Variants in GRM7 observed in about 807,000 individuals in gnomAD.
GRM7 encodes the protein glutamate metabotropic receptor 7.
GRM7 carries 35 observed loss-of-function variants against 84.5 expected under a neutral mutation model. The observed-to-expected ratio is 0.41, with a 90% confidence interval of 0.32 to 0.55. GRM7 has a LOEUF of 0.55. Ranked by LOEUF, GRM7 falls within the 20% of genes least tolerant of loss-of-function variation. The pLI is 0.19. For synonymous variants in GRM7, 487 were observed against 455.1 expected (o/e 1.07, Z -0.89); for missense variants, 1,003 against 1,194.6 (o/e 0.84, Z 2.36).
At chr3:7,213,491 C>T (rs779991635) in intron 2 of GRM7, among the ~76,000 whole-genome samples, 6 of 152,104 alleles carry the variant, frequency 3.9e-5, no homozygotes, top group South Asian at 2.1e-4. Flanking sequence ...ATCATAGTTA[C>T]GCAAATACAT....
At chr3:7,643,599 A>T (rs1038955384) in intron 8 of GRM7, among the ~76,000 whole-genome samples, 2 of 152,218 alleles carry the variant, frequency 1.3e-5, no homozygotes, top group African/African-American at 4.8e-5. Context: ...TAGGGACTCT[A>T]TCTTAAATCC....
intron 8 of GRM7, among the ~76,000 whole-genome samples, chr3:7,590,148 C>A (rs1468414878): frequency 6.6e-6 from 1 of 152,102 alleles, no homozygotes; most frequent in African/African-American, 2.4e-5. Context: ...ATTTTAAGTA[C>A]CTGTAACATG....
chr3:7,682,646 G>A (rs537606686), intron 9 of GRM7, among the ~76,000 whole-genome samples: 81 of 151,846 alleles, frequency 5.3e-4, no homozygotes, highest in African/African-American at 1.3e-3. Flanking sequence ...GGAAAAAGAC[G>A]AAATTAGAAG....
chr3:7,013,968 T>G (rs1243869252), intron 1 of GRM7, among the ~76,000 whole-genome samples: 2 of 152,214 alleles, frequency 1.3e-5, no homozygotes. Flanking sequence ...AACTGACATA[T>G]CTGCCCTTCC....
chr3:7,039,737 C>T (rs73112820), intron 1 of GRM7, among the ~76,000 whole-genome samples: 5,042 of 152,042 alleles, frequency 0.033, 288 homozygotes, highest in African/African-American at 0.12. Context: ...CTCTCAGAAT[C>T]CCTAGATTAG....
chr3:7,617,647 G>C (rs1308888443), intron 8 of GRM7, among the ~76,000 whole-genome samples: 1 of 152,012 alleles, frequency 6.6e-6, no homozygotes, highest in Non-Finnish European at 1.5e-5. Context: ...CAGTACGGAA[G>C]GTAAATAAAT....
chr3:7,046,180 C>T (rs1335662887), intron 1 of GRM7, among the ~76,000 whole-genome samples: 1 of 151,956 alleles, frequency 6.6e-6, no homozygotes, highest in Non-Finnish European at 1.5e-5. Context: ...GGGAAATGTT[C>T]ATTCAGGTTC....
At chr3:7,603,431 A>T (rs949998222) in intron 8 of GRM7, among the ~76,000 whole-genome samples, 3 of 152,134 alleles carry the variant, frequency 2.0e-5, no homozygotes, top group Non-Finnish European at 2.9e-5. Context: ...ATGACAAGTC[A>T]CAGAGATCAG....
Position 6,945,135 on chromosome 3 carries a change from A to G in GRM7, c.519+83228A>G, listed in dbSNP as rs1280092929. Among the ~76,000 whole-genome samples the G allele has an allele frequency of 1.1e-4, 17 of 152,056 alleles. No individual in the cohort carries two copies. The East Asian group carries it at 3.1e-3, about 28-fold the overall frequency. On this transcript the variant is annotated intron_variant, in intron 1 of 9. Transcript: ENST00000357716. ...GTGCAGGTTTGTTACATATGTATAC[A>G]TGTGCCATGTTGGTGTGATGCACCC...
chr3:6,994,100 A>G (rs1694745018), intron 1 of GRM7, among the ~76,000 whole-genome samples: 1 of 152,348 alleles, frequency 6.6e-6, no homozygotes, highest in South Asian at 2.1e-4. Flanking sequence ...TTCAAGATAT[A>G]GAAGAGGGAT....
chr3:7,277,574 A>G (rs975796130), intron 2 of GRM7, among the ~76,000 whole-genome samples: 1 of 152,136 alleles, frequency 6.6e-6, no homozygotes, highest in African/African-American at 2.4e-5. Context: ...TCATTGTTTT[A>G]TTAATTCATG....
chr3:7,080,360 G>A (rs1420552564), intron 1 of GRM7, among the ~76,000 whole-genome samples: 1 of 151,754 alleles, frequency 6.6e-6, no homozygotes, highest in Non-Finnish European at 1.5e-5. Flanking sequence ...TGTACTCTTC[G>A]CTTTGGTGAT....
chr3:7,504,764 A>G (rs1029472531), intron 7 of GRM7, among the ~76,000 whole-genome samples: 3 of 152,196 alleles, frequency 2.0e-5, no homozygotes, highest in African/African-American at 4.8e-5. Context: ...GAGGGATTCA[A>G]TTTTCAACAA....
chr3:7,064,956 T>C (rs1450632836), intron 1 of GRM7, among the ~76,000 whole-genome samples: 1 of 152,004 alleles, frequency 6.6e-6, no homozygotes, highest in Non-Finnish European at 1.5e-5. Flanking sequence ...TGGACATTTT[T>C]TCATATGTTC....
chr3:7,739,194 T>C (rs527524071), intron 9 of GRM7, among the ~76,000 whole-genome samples: 1 of 152,340 alleles, frequency 6.6e-6, no homozygotes, highest in East Asian at 1.9e-4. Flanking sequence ...CCAGGCTTGT[T>C]GTATAGTGTA....
At chr3:7,200,250 C>T (rs1210284833) in intron 2 of GRM7, among the ~76,000 whole-genome samples, 2 of 152,210 alleles carry the variant, frequency 1.3e-5, no homozygotes, top group Admixed American at 6.5e-5. Context: ...TACCTCCTAA[C>T]ACTGCCACAT....
At chr3:7,355,410 A>G (rs1198934330) in intron 4 of GRM7, among the ~76,000 whole-genome samples, 3 of 152,130 alleles carry the variant, frequency 2.0e-5, no homozygotes, top group East Asian at 3.9e-4. Context: ...CCCTTGGTCC[A>G]TATGATTCAC....
At chr3:6,919,112 TCA>T (rs1697034762) in intron 1 of GRM7, among the ~76,000 whole-genome samples, 2 of 152,210 alleles carry the variant, frequency 1.3e-5, no homozygotes, top group Non-Finnish European at 2.9e-5. Context: ...AATTCTTGCC[TCA>T]TTGGTCTAAT....
At chr3:7,548,797 G>A (rs541138613) in intron 7 of GRM7, among the ~76,000 whole-genome samples, 1 of 152,312 alleles carries the variant, frequency 6.6e-6, no homozygotes, top group East Asian at 1.9e-4. Context: ...AGTTCTGGGT[G>A]TGCCCCTTTT....
Sources: gnomAD v4.1 joint callset for allele counts (sites outside exome capture counted in the v4.1 genomes callset) on GRCh38, gnomAD v4.1.1 for gene constraint, MANE v1.5 for transcripts, NCBI Gene and HGNC (gene_info 2026-07-23, HGNC 2026-07-21) for gene names.